SLC37A2: variants seen among roughly 807,000 people sequenced by gnomAD.
SLC37A2 encodes the protein glucose-6-phosphate exchanger SLC37A2.
SLC37A2 carries 59 observed loss-of-function variants against 70.7 expected under a neutral mutation model. The ratio of observed to expected loss-of-function variants is 0.83; its 90% CI spans 0.68 to 1.04. The LOEUF (loss-of-function observed/expected upper bound fraction) is 1.04. Ranked by LOEUF, SLC37A2 falls within the 50% of genes least tolerant of loss-of-function variation. The probability of loss-of-function intolerance (pLI) is 0.00; values close to 1 mark genes in which losing one functional copy is unlikely to be tolerated. For missense variants in SLC37A2, 580 were observed against 658.1 expected (o/e 0.88, Z 1.30); for synonymous variants, 257 against 262.1 (o/e 0.98, Z 0.19).
intron 11 of SLC37A2, 62 bp from the exon 12 acceptor site, chr11:125,084,172 C>A: frequency 6.3e-7 from 1 of 1,580,166 alleles, no homozygotes; most frequent in Non-Finnish European, 8.7e-7. Flanking sequence ...AGCTGGGGTG[C>A]CAGGCGAGGG....
intron 1 of SLC37A2, among the ~76,000 whole-genome samples, chr11:125,072,386 T>C (rs1269102369): frequency 6.6e-6 from 1 of 152,060 alleles, no homozygotes; most frequent in East Asian, 1.9e-4. Context: ...GGAGGTGGGA[T>C]TCTGAGAAGT....
intron 7 of SLC37A2, 141 bp from the exon 8 acceptor site, chr11:125,081,280 A>G (rs1241801647): frequency 1.3e-6 from 1 of 792,732 alleles, no homozygotes. Flanking sequence ...GCTGGGACAC[A>G]CACTGGCCAC....
In SLC37A2 at chr11:125,088,269, C is replaced by T. The variant is rs1949245324; in HGVS notation, c.*135C>T. On this transcript the variant is annotated 3_prime_UTR_variant, in exon 18 of 18. Coordinates refer to ENST00000403796, the MANE Select transcript of SLC37A2 (RefSeq NM_001145290.2). ...TGAACATTAGCCAGCCCAGCCCAGA[C>T]CCCAGGGCTGCCTAAGGACACAGAG... 6.1e-6 allele frequency: 6 copies of T among 988,240 alleles called. No homozygotes were observed. Among genetic ancestry groups the T allele is most frequent in the Non-Finnish European group, 9.1e-6 (6 of 660,190 alleles). The allele number at this position is 988,240 out of a possible 1,614,324, so 61.2% of individuals were successfully genotyped here. A position where few individuals can be genotyped will look rare whatever the true frequency, so the allele number is the denominator to read the frequency against.
At chr11:125,079,317 C>T in intron 5 of SLC37A2, 70 bp downstream of exon 5, 1 of 1,597,220 alleles carries the variant, frequency 6.3e-7, no homozygotes, top group South Asian at 1.1e-5. Context: ...CCGCAGCTCA[C>T]AGCGGGTGGG....
intron 1 of SLC37A2, among the ~76,000 whole-genome samples, chr11:125,066,534 A>C (rs1203204620): frequency 6.6e-6 from 1 of 152,256 alleles, no homozygotes; most frequent in East Asian, 1.9e-4. Context: ...TTAACTTCTT[A>C]CTGATAATTT....
intron 1 of SLC37A2, among the ~76,000 whole-genome samples, chr11:125,065,409 C>G (rs1948971026): frequency 6.6e-6 from 1 of 152,102 alleles, no homozygotes; most frequent in African/African-American, 2.4e-5. Flanking sequence ...TTTTTTAAAG[C>G]CTTTAATTAT....
In SLC37A2 at chr11:125,076,752, T is replaced by G. The variant is rs781358402; in HGVS notation, c.60-5T>G. 9 of 1,614,080 alleles carry G rather than the reference T, an allele frequency of 5.6e-6. No homozygotes were observed. In the South Asian group the frequency reaches 9.9e-5, roughly 18 times the overall value. On this transcript the variant is annotated splice_region_variant and splice_polypyrimidine_tract_variant and intron_variant, in intron 1 of 17. Transcript: ENST00000403796. ...CACTAACGCAGATGCTGTCCCTTCC[T>G]GCAGGTTCCGAGGCCTCATCCTGCT...
chr11:125,074,049 T>G (rs1235263780), intron 1 of SLC37A2, among the ~76,000 whole-genome samples: 1 of 152,142 alleles, frequency 6.6e-6, no homozygotes, highest in Non-Finnish European at 1.5e-5. Context: ...CAGCTCTGCT[T>G]CTCTGCTTGG....
Position 125,080,802 on chromosome 11 carries a change from C to T in SLC37A2, c.694+22C>T. 1 of 1,411,294 alleles carries T rather than the reference C, an allele frequency of 7.1e-7. No homozygotes were observed. Among genetic ancestry groups the T allele is most frequent in the East Asian group, 2.7e-5 (1 of 37,124 alleles). 87.4% of individuals were successfully genotyped at this position (1,411,294 alleles called of 1,614,324 possible). ...GAACGTGAGTGGGCCCCTCACTCCC[C>T]ACAAGTGAGCCTAGAAGTTCTCGGT... On this transcript the variant is annotated intron_variant, in intron 7 of 17. Transcript: ENST00000403796. This position sits in a 1 kb window ranked among gnomAD's most constrained non-coding sequence, Gnocchi z 4.3.
At chr11:125,070,642 G>T (rs1949021344) in intron 1 of SLC37A2, among the ~76,000 whole-genome samples, 1 of 152,216 alleles carries the variant, frequency 6.6e-6, no homozygotes, top group Admixed American at 6.5e-5. Flanking sequence ...AGAAAGGGCT[G>T]TTTAAAATGA....
Position 125,085,674 on chromosome 11 carries a change from G to C in SLC37A2, c.1425G>C (p.Leu475Phe). The C allele has an allele frequency of 1.2e-6, 2 of 1,612,250 alleles. No homozygotes were observed. Among genetic ancestry groups the C allele is most frequent in the Non-Finnish European group, 1.7e-6 (2 of 1,179,930 alleles). The change falls in exon 16 of 18, where the codon TTG becomes TTC. Residue 475 changes from leucine to phenylalanine, a missense_variant and splice_region_variant. Physicochemically the swap from Leu to Phe is conservative, Grantham distance 22. Coordinates refer to ENST00000403796, the MANE Select transcript of SLC37A2 (RefSeq NM_001145290.2). ...MLISADVLACLLLCRLVYKEI... is the reference protein window; with the variant it reads ...MLISADVLACFLLCRLVYKEI... ...TCTCTGCCGACGTCCTAGCCTGCTT[G>C]GTAAGAGTCTTGGGGTACACAGATA...
rs576056323 is a variant in SLC37A2, at chr11:125,079,579, G to T, written c.451-105G>T. On this transcript the variant is annotated intron_variant, in intron 5 of 17. Coordinates refer to ENST00000403796, the MANE Select transcript of SLC37A2 (RefSeq NM_001145290.2). ...AGGTTTGTAGTGTGGGGTATGGAGG[G>T]CCCCTTGGCCACGAAATTGAACCTC... 9 of 843,862 alleles carry T rather than the reference G, an allele frequency of 1.1e-5. No homozygotes were observed. In the African/African-American group the frequency reaches 1.4e-4, roughly 13 times the overall value. 52.3% of individuals were successfully genotyped at this position (843,862 alleles called of 1,614,324 possible).
intron 1 of SLC37A2, 27 bp from the exon 2 acceptor site, chr11:125,076,721 ACTTCCCACT>A: frequency 6.2e-7 from 1 of 1,606,076 alleles, no homozygotes; most frequent in Non-Finnish European, 8.5e-7. Flanking sequence ...GCTGGGGCTG[ACTTCCCACT>A]AACGCAGATG....
At position 125,077,266 on chromosome 11, in the gene SLC37A2, CCCATCAATGAT is replaced by C; in HGVS notation, c.179_189del (p.Pro60HisfsTer6). The C allele has an allele frequency of 6.2e-7, 1 of 1,607,966 alleles. No individual in the cohort carries two copies. The highest frequency in any genetic ancestry group is 8.5e-7 in the Non-Finnish European group (1 of 1,176,846). ...CCAGAACTGCTCGGAGCAGATCAAA[CCCATCAATGAT>C]ACTCACAGTCTCAATGACACCATGT... On this transcript the variant is annotated frameshift_variant, in exon 3 of 18. Coordinates refer to ENST00000403796, the MANE Select transcript of SLC37A2 (RefSeq NM_001145290.2). LOFTEE classifies it high-confidence loss of function.
Position 125,090,276 on chromosome 11 carries a change from AC to A in SLC37A2, c.*2143del, listed in dbSNP as rs1784186079. ...GGCCTTGGAGAACCTGTGTGTCGAA[AC>A]TCTGTATCTAACTAATCTGATGGGG... On this transcript the variant is annotated 3_prime_UTR_variant, in exon 18 of 18. Coordinates refer to ENST00000403796, the MANE Select transcript of SLC37A2 (RefSeq NM_001145290.2). 1 of 151,718 alleles carries A rather than the reference AC, an allele frequency of 6.6e-6. No homozygotes were observed. Among genetic ancestry groups the A allele is most frequent in the African/African-American group, 2.4e-5 (1 of 41,218 alleles). The allele number at this position is 151,718 out of a possible 1,614,324, so 9.4% of individuals were successfully genotyped here.
rs1219657416 is a variant in SLC37A2, at chr11:125,079,463, C to T, written c.450+216C>T. Among the ~76,000 whole-genome samples the T allele has an allele frequency of 2.6e-5, 4 of 152,132 alleles. No individual in the cohort carries two copies. The East Asian group carries it at 5.8e-4, about 22-fold the overall frequency. On this transcript the variant is annotated intron_variant, in intron 5 of 17. Coordinates refer to ENST00000403796, the MANE Select transcript of SLC37A2 (RefSeq NM_001145290.2). ...CAACGCTGTGGTCACTTCCAATGCA[C>T]GAGAGGCTTGGTCTCTGCTTGAACA... is the stretch of plus-strand genomic sequence containing the variant.
intron 1 of SLC37A2, among the ~76,000 whole-genome samples, chr11:125,067,655 TA>T (rs1451252077): frequency 6.6e-6 from 1 of 152,238 alleles, no homozygotes; most frequent in Non-Finnish European, 1.5e-5. Context: ...CTTTTTAAAT[TA>T]AATATTCACA....
intron 14 of SLC37A2, 92 bp downstream of exon 14, chr11:125,085,231 C>G (rs1169076393): frequency 1.7e-5 from 24 of 1,390,958 alleles, no homozygotes; most frequent in Non-Finnish European, 1.0e-6. Context: ...GTCTCCCATC[C>G]CGCAGAGGAG....
At chr11:125,084,199 C>G in intron 11 of SLC37A2, 35 bp from the exon 12 acceptor site, 2 of 1,611,774 alleles carry the variant, frequency 1.2e-6, no homozygotes, top group Non-Finnish European at 1.7e-6. Flanking sequence ...AGGGTCCTGT[C>G]TGGGAGTCAG....
Sources: allele counts gnomAD v4.1 joint callset (sites outside exome capture counted in the v4.1 genomes callset), GRCh38; gene constraint gnomAD v4.1.1; non-coding constraint Gnocchi (gnomAD v3.1); transcripts MANE v1.5; gene names NCBI Gene and HGNC (gene_info 2026-07-23, HGNC 2026-07-21).